RBFOX3: variants seen among roughly 807,000 people sequenced by gnomAD.
The protein encoded by RBFOX3 is RNA binding protein fox-1 homolog 3.
RBFOX3 carries 17 observed loss-of-function variants against 48.7 expected under a neutral mutation model. The ratio of observed to expected loss-of-function variants is 0.35; its 90% CI spans 0.24 to 0.52. The LOEUF is 0.52. RBFOX3 is among the 20% of genes least tolerant of loss of function. The pLI, the probability that RBFOX3 is intolerant of heterozygous loss-of-function variation, is 0.94. For missense variants in RBFOX3, 382 were observed against 497.5 expected (o/e 0.77, Z 2.21); for synonymous variants, 212 against 209.5 (o/e 1.01, Z -0.10).
At chr17:79,310,021 G>A (rs1479553762) in intron 2 of RBFOX3, among the ~76,000 whole-genome samples, 1 of 152,126 alleles carries the variant, frequency 6.6e-6, no homozygotes, top group Non-Finnish European at 1.5e-5. Context: ...GAAGTTTCCC[G>A]AGGACACGTG....
intron 2 of RBFOX3, among the ~76,000 whole-genome samples, chr17:79,308,931 G>C (rs1194772478): frequency 6.6e-6 from 1 of 151,982 alleles, no homozygotes; most frequent in Non-Finnish European, 1.5e-5. Context: ...CCAGTCTGAC[G>C]AACATGGTGA....
chr17:79,608,081 G>A (rs1310906019), intron 1 of RBFOX3, among the ~76,000 whole-genome samples: 1 of 152,216 alleles, frequency 6.6e-6, no homozygotes, highest in African/African-American at 2.4e-5. Context: ...CAGCGGCCCT[G>A]GGACCGTGTC....
chr17:79,139,043 C>G (rs1218765023), intron 4 of RBFOX3, among the ~76,000 whole-genome samples: 1 of 149,052 alleles, frequency 6.7e-6, no homozygotes, highest in African/African-American at 2.5e-5. Flanking sequence ...CACGCACGCA[C>G]ACAGCACGTG....
intron 4 of RBFOX3, among the ~76,000 whole-genome samples, chr17:79,167,834 C>A (rs1412093556): frequency 6.6e-6 from 1 of 152,238 alleles, no homozygotes; most frequent in East Asian, 1.9e-4. Context: ...AGCTGCCTCT[C>A]TGGGATGCTA....
chr17:79,434,835 C>T (rs74000096), intron 2 of RBFOX3, among the ~76,000 whole-genome samples: 2,947 of 152,138 alleles, frequency 0.019, 122 homozygotes, highest in African/African-American at 0.067. Flanking sequence ...AGATGGACTC[C>T]GGGGCTACGG....
intron 4 of RBFOX3, among the ~76,000 whole-genome samples, chr17:79,148,932 T>A (rs1390531358): frequency 6.6e-6 from 1 of 152,164 alleles, no homozygotes; most frequent in Non-Finnish European, 1.5e-5. Flanking sequence ...GGGGACAGCC[T>A]GGGGCTTTCT....
intron 4 of RBFOX3, among the ~76,000 whole-genome samples, chr17:79,226,877 G>A (rs1470603627): frequency 1.3e-5 from 2 of 152,234 alleles, no homozygotes; most frequent in Non-Finnish European, 2.9e-5. Context: ...CTACACCAGC[G>A]TGAGACTGGA....
chr17:79,393,844 ACACATCATCTGAGCCGGTCATCACG>A (rs1416827282), intron 2 of RBFOX3, among the ~76,000 whole-genome samples: 6 of 150,998 alleles, frequency 4.0e-5, no homozygotes, highest in African/African-American at 4.9e-5. Flanking sequence ...TGGTCATCAC[ACACATCATCTGAGCCGGTCATCACG>A]CACATCATCT....
At chr17:79,609,243 GA>G (rs1254321389) in intron 1 of RBFOX3, among the ~76,000 whole-genome samples, 35 of 152,282 alleles carry the variant, frequency 2.3e-4, no homozygotes, top group African/African-American at 8.2e-4. Context: ...GCTTCCGGCT[GA>G]AAGACCTCAT....
chr17:79,096,679 C>T lies in RBFOX3; in HGVS notation c.910G>A (p.Asp304Asn), dbSNP rs1369275607. 1.3e-6 allele frequency: 2 copies of T among 1,488,408 alleles called. No individual in the cohort carries two copies. Among genetic ancestry groups the T allele is most frequent in the Non-Finnish European group, 1.8e-6 (2 of 1,108,030 alleles). 92.2% of individuals were successfully genotyped at this position (1,488,408 alleles called of 1,614,324 possible). The part of the protein sequence containing the change: ...CPFASRVVYQ[D>N]GFYGAEIYGG... ...TAAATCTCAGCACCATAAAATCCATCCTGATACACGACCCTGGAAGCAAAC... is the reference window on the plus strand; with the variant it reads ...TAAATCTCAGCACCATAAAATCCATTCTGATACACGACCCTGGAAGCAAAC... Residue 304 changes from aspartate (D) to asparagine (N), a missense_variant, in exon 12 of 15, where the codon GAT (aspartate) becomes AAT (asparagine). By Grantham distance (23) the Asp-to-Asn change is conservative (BLOSUM62 1). Around this residue, in one of 3 missense-constraint regions of RBFOX3, gnomAD observed 215 missense variants for 254.8 expected, o/e 0.84. Coordinates refer to ENST00000693108, the MANE Select transcript of RBFOX3 (RefSeq NM_001350451.2).
chr17:79,632,418 A>T, the RBFOX3 span, among the ~76,000 whole-genome samples: 1 of 152,088 alleles, frequency 6.6e-6, no homozygotes, highest in South Asian at 2.1e-4. Context: ...TTCCAGAGGG[A>T]CCCCTGTTGG....
At chr17:79,459,873 A>G (rs1555747643) in intron 2 of RBFOX3, among the ~76,000 whole-genome samples, 2 of 152,166 alleles carry the variant, frequency 1.3e-5, no homozygotes, top group Non-Finnish European at 2.9e-5. Flanking sequence ...CCACATGTCT[A>G]TTGTGTGACT....
chr17:79,334,904 C>A (rs2080957832), intron 2 of RBFOX3, among the ~76,000 whole-genome samples: 1 of 152,268 alleles, frequency 6.6e-6, no homozygotes, highest in Non-Finnish European at 1.5e-5. Context: ...TGCACAGACA[C>A]AGTGGCATTT....
intron 1 of RBFOX3, among the ~76,000 whole-genome samples, chr17:79,541,332 A>G (rs2089663850): frequency 6.6e-6 from 1 of 152,326 alleles, no homozygotes; most frequent in Middle Eastern, 3.4e-3. Flanking sequence ...TCTCAGAAAC[A>G]CTCACACTAA....
chr17:79,161,409 C>T (rs1319125275), intron 4 of RBFOX3, among the ~76,000 whole-genome samples: 2 of 152,252 alleles, frequency 1.3e-5, no homozygotes, highest in Non-Finnish European at 2.9e-5. Context: ...GATCCCATCA[C>T]TTCCGTCTCC....
At chr17:79,251,217 C>T (rs1179213821) in intron 3 of RBFOX3, among the ~76,000 whole-genome samples, 1 of 152,142 alleles carries the variant, frequency 6.6e-6, no homozygotes, top group Non-Finnish European at 1.5e-5. Context: ...CTATCCGCCA[C>T]CCACCACCAG....
At chr17:79,284,065 C>A (rs934247662) in intron 3 of RBFOX3, among the ~76,000 whole-genome samples, 1 of 137,956 alleles carries the variant, frequency 7.2e-6, no homozygotes, top group Non-Finnish European at 1.5e-5. Context: ...AATGGAGATG[C>A]CTTCTCCAGG....
intron 1 of RBFOX3, among the ~76,000 whole-genome samples, chr17:79,534,875 C>T (rs1223004337): frequency 1.3e-5 from 2 of 152,174 alleles, no homozygotes; most frequent in Non-Finnish European, 2.9e-5. Context: ...GTCGCCCCCT[C>T]GGAAGTCGGT....
intron 1 of RBFOX3, among the ~76,000 whole-genome samples, chr17:79,500,919 G>A (rs987566115): frequency 1.3e-5 from 2 of 152,128 alleles, no homozygotes; most frequent in Non-Finnish European, 2.9e-5. Context: ...TTTAATTCAA[G>A]GTAACCCAAT....
Sources: gnomAD v4.1 joint callset for allele counts (sites outside exome capture counted in the v4.1 genomes callset) on GRCh38, gnomAD v4.1.1 for gene constraint, gnomAD v4.1.1 regional missense constraint, MANE v1.5 for transcripts, NCBI Gene and HGNC (gene_info 2026-07-23, HGNC 2026-07-21) for gene names.